The following EBPL variants were observed in gnomAD, a reference collection of about 807,000 sequenced individuals.
EBPL encodes emopamil-binding protein-like.
In EBPL, 20 loss-of-function variants were observed where a neutral mutation model predicts 19.0. The observed-to-expected ratio is 1.05, with a 90% CI of 0.74 to 1.53. EBPL has a LOEUF of 1.53. Among genes scored for constraint, EBPL ranks in the 40% most tolerant of loss-of-function variants. The pLI is 0.00. For missense variants in EBPL, 219 were observed against 261.1 expected (o/e 0.84, Z 1.11); for synonymous variants, 107 against 117.0 (o/e 0.91, Z 0.55).
At chr13:49,684,245 GTTT>G (rs1953973630) in intron 1 of EBPL, among the ~76,000 whole-genome samples, 1 of 152,166 alleles carries the variant, frequency 6.6e-6, no homozygotes, top group African/African-American at 2.4e-5. Flanking sequence ...CACAGAATGG[GTTT>G]TATTATACAT....
chr13:49,666,584 C>T lies in EBPL; in HGVS notation c.241+3193G>A, dbSNP rs940593367. On this transcript the variant is annotated intron_variant, in intron 2 of 3. Transcript: ENST00000242827. ...AAAATTAGCCAGGCGTGGTGGTGGG[C>T]GCCTGTAATCCCAGCTACTCGGGAG... Among the ~76,000 whole-genome samples the T allele has an allele frequency of 1.2e-4, 18 of 150,854 alleles. No individual in the cohort carries two copies. In the South Asian group the frequency reaches 1.7e-3, roughly 14 times the overall value.
At chr13:49,677,608 T>C (rs564266406) in intron 1 of EBPL, among the ~76,000 whole-genome samples, 6 of 152,336 alleles carry the variant, frequency 3.9e-5, no homozygotes, top group African/African-American at 1.4e-4. Flanking sequence ...CCTGCTATTA[T>C]GGTTTTAAAG....
chr13:49,691,475 A>G lies in EBPL; in HGVS notation c.-51T>C. On this transcript the variant is annotated 5_prime_UTR_variant, in exon 1 of 4. Coordinates refer to ENST00000242827, the MANE Select transcript of EBPL (RefSeq NM_032565.5). Reference sequence around the variant, plus strand: ...CCAGGACCATGCGGCAGAGGAAAGCAGGGAGAGAAACGACGGGGCGGGGCT... The same window carrying G: ...CCAGGACCATGCGGCAGAGGAAAGCGGGGAGAGAAACGACGGGGCGGGGCT... 1 of 1,235,642 alleles carries G rather than the reference A, an allele frequency of 8.1e-7. No homozygotes were observed. Among genetic ancestry groups the G allele is most frequent in the Non-Finnish European group, 1.0e-6 (1 of 982,336 alleles). The allele number at this position is 1,235,642 out of a possible 1,614,324, so 76.5% of individuals were successfully genotyped here.
At chr13:49,661,317 AC>A (rs1161512413) in intron 3 of EBPL, 109 bp from the exon 4 acceptor site, 6 of 912,078 alleles carry the variant, frequency 6.6e-6, no homozygotes, top group African/African-American at 1.7e-5. Context: ...CGCTATGAAA[AC>A]CGTCCTAAGT....
chr13:49,668,067 T>A (rs1407825597), intron 2 of EBPL: 2 of 152,276 alleles, frequency 1.3e-5, no homozygotes, highest in African/African-American at 4.8e-5. Flanking sequence ...AGTGCATAGC[T>A]GCATTCAGCT....
intron 1 of EBPL, among the ~76,000 whole-genome samples, chr13:49,683,045 C>T (rs1055111264): frequency 8.5e-4 from 129 of 152,080 alleles, no homozygotes; most frequent in African/African-American, 2.7e-3. Context: ...GCCATCTTGG[C>T]TCACTGCAAC....
At chr13:49,672,983 C>T (rs890125616) in intron 1 of EBPL, among the ~76,000 whole-genome samples, 3 of 152,054 alleles carry the variant, frequency 2.0e-5, no homozygotes, top group Non-Finnish European at 4.4e-5. Flanking sequence ...TCGCTTGAAC[C>T]GGGAGGCAGA....
chr13:49,662,932 A>G, intron 3 of EBPL, 125 bp downstream of exon 3: 4 of 1,309,064 alleles, frequency 3.1e-6, no homozygotes, highest in Non-Finnish European at 4.1e-6. Flanking sequence ...CACCGCGCCC[A>G]GCCTCTATTC....
chr13:49,670,850 A>C (rs975376663), intron 1 of EBPL, among the ~76,000 whole-genome samples: 2 of 152,214 alleles, frequency 1.3e-5, no homozygotes, highest in Non-Finnish European at 2.9e-5. Context: ...AGAGTATGAC[A>C]GCCTCTACCA....
At chr13:49,678,709 G>A (rs909082842) in intron 1 of EBPL, among the ~76,000 whole-genome samples, 3 of 152,102 alleles carry the variant, frequency 2.0e-5, no homozygotes, top group African/African-American at 7.2e-5. Context: ...GCCGCGGCCA[G>A]CCCAGAGAGG....
intron 2 of EBPL, among the ~76,000 whole-genome samples, chr13:49,664,265 C>T (rs752108660): frequency 2.0e-5 from 3 of 152,108 alleles, no homozygotes; most frequent in Non-Finnish European, 4.4e-5. Context: ...TACAACAACA[C>T]GTTTATTAAT....
intron 2 of EBPL, among the ~76,000 whole-genome samples, chr13:49,664,806 G>T (rs1036245433): frequency 6.6e-6 from 1 of 151,972 alleles, no homozygotes. Context: ...CTAACAAAAG[G>T]CTGTCCTAAG....
chr13:49,669,991 C>G lies in EBPL; in HGVS notation c.172-145G>C. 9 of 657,142 alleles carry G rather than the reference C, an allele frequency of 1.4e-5. No individual in the cohort carries two copies. In the South Asian group the frequency reaches 1.7e-4, roughly 12 times the overall value. 40.7% of individuals were successfully genotyped at this position (657,142 alleles called of 1,614,324 possible). A position where few individuals can be genotyped will look rare whatever the true frequency, so the allele number is the denominator to read the frequency against. ...CACAGCCTGGAAACATCCATACAACCTTGTGGGATACAATCTTGGGACCTG... is the reference window on the plus strand; with the variant it reads ...CACAGCCTGGAAACATCCATACAACGTTGTGGGATACAATCTTGGGACCTG... On this transcript the variant is annotated intron_variant, in intron 1 of 3. Coordinates refer to ENST00000242827, the MANE Select transcript of EBPL (RefSeq NM_032565.5).
Position 49,691,309 on chromosome 13 carries a change from G to T in EBPL, c.116C>A (p.Ala39Glu). 7.3e-7 allele frequency: 1 copy of T among 1,364,696 alleles called. No homozygotes were observed. The highest frequency in any genetic ancestry group is 9.5e-7 in the Non-Finnish European group (1 of 1,054,858). The allele number at this position is 1,364,696 out of a possible 1,614,324, so 84.5% of individuals were successfully genotyped here. The part of the protein sequence containing the change: ...GLRLGRGQGA[A>E]DRGALIWLCY... Reference sequence around the variant, plus strand: ...GAGCCAGATGAGCGCCCCGCGGTCCGCCGCCCCCTGCCCGCGGCCCAGGCG... The same window carrying T: ...GAGCCAGATGAGCGCCCCGCGGTCCTCCGCCCCCTGCCCGCGGCCCAGGCG... The change falls in exon 1 of 4, where the codon GCG (alanine) becomes GAG (glutamate). Residue 39 changes from alanine (A) to glutamate (E), a missense_variant. Ala to Glu is a moderately radical substitution (Grantham distance 107, BLOSUM62 -1). Around this residue, in one of 2 missense-constraint regions of EBPL, gnomAD observed 170 missense variants for 167.0 expected, o/e 1.02. Transcript: ENST00000242827.
chr13:49,687,285 A>T (rs939159479), intron 1 of EBPL, among the ~76,000 whole-genome samples: 13 of 152,058 alleles, frequency 8.5e-5, no homozygotes, highest in Non-Finnish European at 4.4e-5. Flanking sequence ...AGTCTCTCAC[A>T]GTTAGCTTTC....
chr13:49,690,493 G>A (rs1954051109), intron 1 of EBPL, among the ~76,000 whole-genome samples: 5 of 64,688 alleles, frequency 7.7e-5, no homozygotes, highest in Admixed American at 7.4e-4. Context: ...GTGTGTGCGT[G>A]CGCGTGTGTG....
chr13:49,660,946 T>G lies in EBPL; in HGVS notation c.*22A>C. 1.9e-6 allele frequency: 3 copies of G among 1,571,892 alleles called. No individual in the cohort carries two copies. Among genetic ancestry groups the G allele is most frequent in the Non-Finnish European group, 8.7e-7 (1 of 1,147,012 alleles). ...CATTCTGGTTCATGAAGTTAGATAATGGTGTTTATGGTTTTGAAAGTTCAC... is the reference window on the plus strand; with the variant it reads ...CATTCTGGTTCATGAAGTTAGATAAGGGTGTTTATGGTTTTGAAAGTTCAC... On this transcript the variant is annotated 3_prime_UTR_variant, in exon 4 of 4. Transcript: ENST00000242827.
chr13:49,686,335 G>A (rs533336904), intron 1 of EBPL: 145 of 935,582 alleles, frequency 1.5e-4, no homozygotes, highest in Middle Eastern at 4.8e-4. Context: ...CTCTTCCTCC[G>A]CCCACCACCA....
At position 49,684,538 on chromosome 13, in the gene EBPL, G is replaced by A. The variant is rs182322373; in HGVS notation, c.171+6716C>T. Among the ~76,000 whole-genome samples, 27 of 152,224 alleles carry A rather than the reference G, an allele frequency of 1.8e-4. No homozygotes were observed. In the East Asian group the frequency reaches 2.3e-3, roughly 13 times the overall value. On this transcript the variant is annotated intron_variant, in intron 1 of 3. Coordinates refer to ENST00000242827, the MANE Select transcript of EBPL (RefSeq NM_032565.5). ...ACACACACTAAAAATAGCTGAGCAC[G>A]GTGGCACGTGCCTGTCATCCCAGCT...
Sources: allele counts gnomAD v4.1 joint callset (sites outside exome capture counted in the v4.1 genomes callset), GRCh38; gene constraint gnomAD v4.1.1; regional missense constraint gnomAD v4.1.1; transcripts MANE v1.5; gene names NCBI Gene and HGNC (gene_info 2026-07-23, HGNC 2026-07-21).